The following CTDP1 variants were observed in gnomAD, a reference collection of about 807,000 sequenced individuals.
CTDP1 encodes the protein RNA polymerase II subunit A C-terminal domain phosphatase.
Under a neutral mutation model 91.8 loss-of-function variants are expected in CTDP1, and 47 were observed. That is an observed-to-expected ratio of 0.51 (90% CI 0.41 to 0.65). CTDP1 has a LOEUF of 0.65. CTDP1 is among the 30% of genes least tolerant of loss of function. The pLI, the probability that CTDP1 is intolerant of heterozygous loss-of-function variation, is 0.00. For synonymous variants in CTDP1, 656 were observed against 598.5 expected, an observed-to-expected ratio of 1.10 and a Z score of -1.40; for missense variants, 1,272 against 1,373.7, an observed-to-expected ratio of 0.93 and a Z score of 1.17.
chr18:79,693,095 G>A (rs1346978904), intron 1 of CTDP1, among the ~76,000 whole-genome samples: 1 of 152,236 alleles, frequency 6.6e-6, no homozygotes, highest in African/African-American at 2.4e-5. Context: ...CGAGTGCGAT[G>A]GCGGTAGGGA....
intron 10 of CTDP1, among the ~76,000 whole-genome samples, chr18:79,720,509 C>T (rs926494473): frequency 3.3e-5 from 5 of 149,558 alleles, no homozygotes; most frequent in African/African-American, 1.2e-4. Flanking sequence ...CCCATCGTGT[C>T]CTAGTGATGA....
At chr18:79,692,986 T>TGGCG in intron 1 of CTDP1, among the ~76,000 whole-genome samples, 1 of 152,268 alleles carries the variant, frequency 6.6e-6, no homozygotes, top group South Asian at 2.1e-4. Flanking sequence ...GTTTGGGTGT[T>TGGCG]GGCGGTGGGG....
Position 79,718,026 on chromosome 18 carries a change from G to T in CTDP1, c.2417+10G>T. 6.2e-7 allele frequency: 1 copy of T among 1,612,554 alleles called. No homozygotes were observed. The highest frequency in any genetic ancestry group is 1.3e-5 in the African/African-American group (1 of 75,046). On this transcript the variant is annotated intron_variant, in intron 10 of 12. Transcript: ENST00000613122. ...AGCCCTCTTCCTTCAGGTACGTGGCGGCCCAGCCACTGTCCCCAGCTAATG... is the reference window on the plus strand; with the variant it reads ...AGCCCTCTTCCTTCAGGTACGTGGCTGCCCAGCCACTGTCCCCAGCTAATG...
intron 12 of CTDP1, among the ~76,000 whole-genome samples, chr18:79,752,103 G>T (rs1356575901): frequency 6.6e-6 from 1 of 152,274 alleles, no homozygotes; most frequent in African/African-American, 2.4e-5. Context: ...GAATTTCAGG[G>T]CTCTGGGGAT....
At chr18:79,739,626 G>C (rs768547561) in intron 12 of CTDP1, among the ~76,000 whole-genome samples, 1 of 152,150 alleles carries the variant, frequency 6.6e-6, no homozygotes, top group Non-Finnish European at 1.5e-5. Context: ...TGGCTCCTCG[G>C]GCAAGGACCA....
At chr18:79,734,079 G>A (rs766524855) in intron 11 of CTDP1, among the ~76,000 whole-genome samples, 8 of 152,194 alleles carry the variant, frequency 5.3e-5, no homozygotes, top group Admixed American at 3.9e-4. Flanking sequence ...CGTGTGTTTG[G>A]TAGAAACCAC....
In CTDP1 at chr18:79,753,927, A is replaced by G. The variant is rs2087053132; in HGVS notation, c.*137A>G. The G allele has an allele frequency of 3.3e-6, 4 of 1,208,312 alleles. No individual in the cohort carries two copies. The South Asian group carries it at 5.7e-5, about 17-fold the overall frequency. 74.8% of individuals were successfully genotyped at this position (1,208,312 alleles called of 1,614,324 possible). A position where few individuals can be genotyped will look rare whatever the true frequency, so the allele number is the denominator to read the frequency against. ...TATTTGCAGAGCTCCACATACAGAA[A>G]CACATTATTTTGCAGAAATAGGTGT... On this transcript the variant is annotated 3_prime_UTR_variant, in exon 13 of 13. Transcript: ENST00000613122.
rs561510139 is a variant in CTDP1 at position 79,687,263 on chromosome 18, G to A, written c.314+7002G>A. On this transcript the variant is annotated intron_variant, in intron 1 of 12. Coordinates refer to ENST00000613122, the MANE Select transcript of CTDP1 (RefSeq NM_004715.5). ...CAGCAGTTGGCTTCGTCAGTTCACT[G>A]GTGGGCCTGCACCAGAGCAGTTGGC... Among the ~76,000 whole-genome samples, 68 of 131,892 alleles carry A rather than the reference G, an allele frequency of 5.2e-4. 1 individual carries two copies. The highest frequency in any genetic ancestry group is 1.9e-3 in the African/African-American group (63 of 32,952). The allele number at this position is 131,892 out of a possible 152,430, so 86.5% of individuals were successfully genotyped here. A position where few individuals can be genotyped will look rare whatever the true frequency, so the allele number is the denominator to read the frequency against.
chr18:79,698,728 A>G (rs1481486145), intron 4 of CTDP1, among the ~76,000 whole-genome samples: 1 of 151,980 alleles, frequency 6.6e-6, no homozygotes, highest in Admixed American at 6.6e-5. Context: ...CTGGCGTTAG[A>G]TTTGGGATTT....
At chr18:79,754,582 CAG>C (rs1295470337), downstream of CTDP1, 4 of 147,300 alleles carry the variant, frequency 2.7e-5, no homozygotes, top group African/African-American at 7.4e-5. Flanking sequence ...AGCTGTGAAA[CAG>C]AAACGAAAAA....
chr18:79,723,831 G>A (rs1178415309), intron 10 of CTDP1, among the ~76,000 whole-genome samples: 2 of 152,042 alleles, frequency 1.3e-5, no homozygotes, highest in South Asian at 2.1e-4. Context: ...CCTGCACCGC[G>A]CCCTCTCCGG....
In CTDP1 at chr18:79,713,272, A is replaced by G. The variant is rs1013644329; in HGVS notation, c.1030+134A>G. 2.0e-6 allele frequency: 2 copies of G among 1,003,194 alleles called. No homozygotes were observed. Among genetic ancestry groups the G allele is most frequent in the Non-Finnish European group, 1.5e-6 (1 of 670,740 alleles). The allele number at this position is 1,003,194 out of a possible 1,614,324, so 62.1% of individuals were successfully genotyped here. A position where few individuals can be genotyped will look rare whatever the true frequency, so the allele number is the denominator to read the frequency against. Reference sequence around the variant, plus strand: ...TTTTATTTGTGTTTCAGTAGAGATTATTGGATTTATTTATAGAGTACTGAA... The same window carrying G: ...TTTTATTTGTGTTTCAGTAGAGATTGTTGGATTTATTTATAGAGTACTGAA... On this transcript the variant is annotated intron_variant, in intron 7 of 12. Coordinates refer to ENST00000613122, the MANE Select transcript of CTDP1 (RefSeq NM_004715.5). This position sits in a 1 kb window ranked among gnomAD's most constrained non-coding sequence, Gnocchi z 4.7.
intron 10 of CTDP1, among the ~76,000 whole-genome samples, chr18:79,718,493 C>T (rs957518340): frequency 6.6e-6 from 1 of 152,126 alleles, no homozygotes; most frequent in African/African-American, 2.4e-5. Flanking sequence ...GTAAACAGCA[C>T]TGTGAGGAAG....
At chr18:79,705,732 T>C (rs1422239854) in intron 5 of CTDP1, among the ~76,000 whole-genome samples, 1 of 152,234 alleles carries the variant, frequency 6.6e-6, no homozygotes, top group East Asian at 1.9e-4. Context: ...GACTGAGCAT[T>C]TTAAAATTCA....
Position 79,735,857 on chromosome 18 carries a change from G to A in CTDP1, c.2581-498G>A, listed in dbSNP as rs138980570. On this transcript the variant is annotated intron_variant, in intron 11 of 12. Coordinates refer to ENST00000613122, the MANE Select transcript of CTDP1 (RefSeq NM_004715.5). ...TCTGCATGTTTCCCAAATTGGAGGCGTGCCCAGAGCGAGCGGGTGGACATC... is the reference window on the plus strand; with the variant it reads ...TCTGCATGTTTCCCAAATTGGAGGCATGCCCAGAGCGAGCGGGTGGACATC... 4.0e-3 allele frequency: 700 copies of A among 176,054 alleles called. 3 individuals are homozygous for A. The highest frequency in any genetic ancestry group is 5.8e-3 in the Admixed American group (106 of 18,234). 10.9% of individuals were successfully genotyped at this position (176,054 alleles called of 1,614,324 possible).
intron 12 of CTDP1, among the ~76,000 whole-genome samples, chr18:79,747,485 G>T (rs1301201389): frequency 1.3e-5 from 2 of 152,226 alleles, no homozygotes; most frequent in Non-Finnish European, 2.9e-5. Context: ...CTTGCCGCCT[G>T]CTTTCCTTGG....
chr18:79,694,699 A>T (rs1466962864), intron 1 of CTDP1, among the ~76,000 whole-genome samples: 1 of 152,154 alleles, frequency 6.6e-6, no homozygotes, highest in African/African-American at 2.4e-5. Flanking sequence ...TAGCCTTCAG[A>T]TTTCAGCACT....
intron 12 of CTDP1, among the ~76,000 whole-genome samples, chr18:79,744,260 A>C (rs1241590036): frequency 6.6e-6 from 1 of 152,196 alleles, no homozygotes; most frequent in African/African-American, 2.4e-5. Context: ...CCTCAGGCAC[A>C]TGTCAGGCCC....
chr18:79,748,741 G>A (rs973724538), intron 12 of CTDP1, among the ~76,000 whole-genome samples: 10 of 152,206 alleles, frequency 6.6e-5, no homozygotes, highest in Non-Finnish European at 8.8e-5. Flanking sequence ...ACACAACAGC[G>A]ACAGAGTCAT....
Sources: gnomAD v4.1 joint callset for allele counts (sites outside exome capture counted in the v4.1 genomes callset) on GRCh38, gnomAD v4.1.1 for gene constraint, Gnocchi (gnomAD v3.1) non-coding constraint, MANE v1.5 for transcripts, NCBI Gene and HGNC (gene_info 2026-07-23, HGNC 2026-07-21) for gene names.